FAM149B1: variants seen among roughly 807,000 people sequenced by gnomAD.
FAM149B1 encodes the protein family with sequence similarity 149 member B1, also known as primary cilium assembly protein FAM149B1.
In FAM149B1, 56 loss-of-function variants were observed where a neutral mutation model predicts 75.3. That is an observed-to-expected ratio of 0.74 (90% confidence interval 0.60 to 0.93). The LOEUF (loss-of-function observed/expected upper bound fraction) is 0.93. FAM149B1 is among the 40% of genes least tolerant of loss of function. The probability of loss-of-function intolerance (pLI) is 0.00; values close to 1 mark genes in which losing one functional copy is unlikely to be tolerated. For synonymous variants in FAM149B1, 259 were observed against 256.1 expected (o/e 1.01, Z -0.11); for missense variants, 639 against 708.4 (o/e 0.90, Z 1.11).
chr10:73,200,659 G>A (rs760793311), intron 5 of FAM149B1: 1 of 535,486 alleles, frequency 1.9e-6, no homozygotes, highest in Non-Finnish European at 3.4e-6. Flanking sequence ...CTGCCATGAT[G>A]CCAACTGATG....
At chr10:73,240,533 A>C (rs1229961202) in intron 13 of FAM149B1, among the ~76,000 whole-genome samples, 1 of 152,148 alleles carries the variant, frequency 6.6e-6, no homozygotes, top group Non-Finnish European at 1.5e-5. Flanking sequence ...TAACATGGTG[A>C]AACCCCATCT....
intron 5 of FAM149B1, among the ~76,000 whole-genome samples, chr10:73,194,398 A>T (rs778896470): frequency 6.6e-5 from 10 of 152,172 alleles, no homozygotes; most frequent in Middle Eastern, 6.8e-3. Flanking sequence ...TTTTTTATTT[A>T]TTTATTTTTT....
chr10:73,210,491 C>T, intron 7 of FAM149B1, 53 bp downstream of exon 7: 1 of 1,293,186 alleles, frequency 7.7e-7, no homozygotes, highest in Non-Finnish European at 1.1e-6. Context: ...GATTTCTAAA[C>T]CCTAACCAGT....
At chr10:73,229,921 A>G (rs1308294389) in intron 8 of FAM149B1, among the ~76,000 whole-genome samples, 1 of 152,164 alleles carries the variant, frequency 6.6e-6, no homozygotes, top group Non-Finnish European at 1.5e-5. Context: ...ATTAGAACAG[A>G]TAAGCTTACC....
At chr10:73,175,563 A>G (rs1481992145) in intron 2 of FAM149B1, among the ~76,000 whole-genome samples, 2 of 151,296 alleles carry the variant, frequency 1.3e-5, no homozygotes, top group Non-Finnish European at 2.9e-5. Context: ...CCAGCTACTC[A>G]GGAGGCTGAG....
intron 2 of FAM149B1, among the ~76,000 whole-genome samples, chr10:73,175,183 AAC>A (rs1415705888): frequency 6.6e-6 from 1 of 152,122 alleles, no homozygotes; most frequent in African/African-American, 2.4e-5. Flanking sequence ...CAACATGGCA[AAC>A]CCCATCTCTA....
At chr10:73,184,813 A>C (rs1010013876) in intron 3 of FAM149B1, among the ~76,000 whole-genome samples, 4 of 152,208 alleles carry the variant, frequency 2.6e-5, no homozygotes, top group African/African-American at 7.2e-5. Context: ...AAAAACAGGG[A>C]TGTCTCAATA....
intron 9 of FAM149B1, among the ~76,000 whole-genome samples, chr10:73,232,195 AATGT>A (rs2043721885): frequency 6.6e-6 from 1 of 151,782 alleles, no homozygotes; most frequent in South Asian, 2.1e-4. Context: ...AAAATAGTCA[AATGT>A]CCTCTCACTT....
rs1253361920 is a variant in FAM149B1, at chr10:73,177,936, A to G, written c.243A>G (p.Ile81Met). The G allele has an allele frequency of 2.5e-5, 39 of 1,551,524 alleles. No homozygotes were observed. Among genetic ancestry groups the G allele is most frequent in the Non-Finnish European group, 3.4e-5 (39 of 1,146,938 alleles). Residue 81 changes from isoleucine to methionine, a missense_variant, in exon 3 of 14, where the codon ATA becomes ATG. Physicochemically the swap from Ile to Met is conservative, Grantham distance 10. Coordinates refer to ENST00000242505, the MANE Select transcript of FAM149B1 (RefSeq NM_173348.2). ...TTCCAAGTTATACAGGCGCAGGGATATCTACTGAAGGAAGCTCGGACTTCT... is the reference window on the plus strand; with the variant it reads ...TTCCAAGTTATACAGGCGCAGGGATGTCTACTGAAGGAAGCTCGGACTTCT... ...SAFPSYTGAG[I>M]STEGSSDFSW...
intron 3 of FAM149B1, among the ~76,000 whole-genome samples, chr10:73,182,439 T>C (rs961137084): frequency 6.6e-6 from 1 of 152,186 alleles, no homozygotes; most frequent in African/African-American, 2.4e-5. Context: ...CTCGAACTCC[T>C]GACCTCAAGT....
At chr10:73,170,348 C>CA (rs1361318106) in intron 1 of FAM149B1, among the ~76,000 whole-genome samples, 1 of 151,786 alleles carries the variant, frequency 6.6e-6, no homozygotes, top group African/African-American at 2.4e-5. Flanking sequence ...ACTAAAAATG[C>CA]AAAAAATTAG....
chr10:73,208,624 G>A lies in FAM149B1; in HGVS notation c.548G>A (p.Gly183Asp). The A allele has an allele frequency of 6.6e-7, 1 of 1,514,148 alleles. No individual in the cohort carries two copies. Among genetic ancestry groups the A allele is most frequent in the African/African-American group, 1.4e-5 (1 of 71,976 alleles). 93.8% of individuals were successfully genotyped at this position (1,514,148 alleles called of 1,614,324 possible). Residue 183 changes from glycine to aspartate, a missense_variant, in exon 6 of 14, where the codon GGT becomes GAT. Transcript: ENST00000242505. Reference protein sequence around the residue: ...LSQERDSTIFGIRGKKLHFSS... With the variant: ...LSQERDSTIFDIRGKKLHFSS... ...CTTCTTTTTTCCACTCCAAGATTTG[G>A]TATAAGGGGAAAGAAGTTACATTTT... is the stretch of plus-strand genomic sequence containing the variant.
At position 73,226,015 on chromosome 10, in the gene FAM149B1, CTAA is replaced by C. The variant is rs142596277; in HGVS notation, c.899-2040_899-2038del. On this transcript the variant is annotated intron_variant, in intron 7 of 13. Coordinates refer to ENST00000242505, the MANE Select transcript of FAM149B1 (RefSeq NM_173348.2). ...CTCAGACTTCACACAACAGAATCACCTAATAATGCCATTCTCAGAAGGTATCCC... is the reference window on the plus strand; with the variant it reads ...CTCAGACTTCACACAACAGAATCACCTAATGCCATTCTCAGAAGGTATCCC... Among the ~76,000 whole-genome samples, 446 of 152,222 alleles carry C rather than the reference CTAA, an allele frequency of 2.9e-3. 5 individuals carry two copies. Among genetic ancestry groups the C allele is most frequent in the African/African-American group, 0.01 (424 of 41,516 alleles).
chr10:73,171,968 A>G (rs1843737454), intron 1 of FAM149B1, among the ~76,000 whole-genome samples: 2 of 152,146 alleles, frequency 1.3e-5, no homozygotes, highest in Non-Finnish European at 2.9e-5. Flanking sequence ...TCTCTGTGAA[A>G]TAACGAAAGC....
At chr10:73,198,675 T>G (rs2042862804) in intron 5 of FAM149B1, among the ~76,000 whole-genome samples, 1 of 152,088 alleles carries the variant, frequency 6.6e-6, no homozygotes, top group Non-Finnish European at 1.5e-5. Flanking sequence ...CGTGGCAGTG[T>G]GCACCTGTAA....
chr10:73,191,244 C>T (rs896630566), intron 3 of FAM149B1, among the ~76,000 whole-genome samples: 11 of 151,524 alleles, frequency 7.3e-5, no homozygotes, highest in Non-Finnish European at 1.5e-4. Context: ...TTCTCCATGT[C>T]GGTCAGGCTG....
At chr10:73,187,296 C>T (rs1428575794) in intron 3 of FAM149B1, among the ~76,000 whole-genome samples, 3 of 147,780 alleles carry the variant, frequency 2.0e-5, no homozygotes, top group Admixed American at 6.8e-5. Context: ...ATCTATATAT[C>T]AGTGCACTCT....
intron 5 of FAM149B1, among the ~76,000 whole-genome samples, chr10:73,203,573 C>T (rs1006829911): frequency 1.3e-5 from 2 of 152,170 alleles, no homozygotes; most frequent in African/African-American, 4.8e-5. Context: ...AACTCATCCC[C>T]AAATCCTCTA....
rs1211743812 is a variant in FAM149B1, at chr10:73,193,574, C to T, written c.523C>T (p.Gln175Ter). The stretch of plus-strand genomic sequence containing the variant: ...CGCTTCATATGAAACAACCTTGTCT[C>T]AAGAAAGAGATTCTACTATGTGAGT... ...VSASYETTLSQERDSTIFGIR... is the reference protein window; with the variant it reads ...VSASYETTLS Residue 175 changes from glutamine to a stop codon, truncating the protein, a stop_gained, in exon 5 of 14, where the codon CAA (glutamine) becomes TAA (stop). Transcript: ENST00000242505. LOFTEE classifies it high-confidence loss of function. 1.9e-6 allele frequency: 3 copies of T among 1,550,920 alleles called. No individual in the cohort carries two copies. Among genetic ancestry groups the T allele is most frequent in the Non-Finnish European group, 2.6e-6 (3 of 1,146,656 alleles).
Sources: allele counts gnomAD v4.1 joint callset (sites outside exome capture counted in the v4.1 genomes callset), GRCh38; gene constraint gnomAD v4.1.1; transcripts MANE v1.5; gene names NCBI Gene and HGNC (gene_info 2026-07-23, HGNC 2026-07-21).